The following ZNF106 variants were observed in gnomAD, a reference collection of about 807,000 sequenced individuals.
ZNF106 encodes the protein zinc finger protein 106.
ZNF106 carries 67 observed loss-of-function variants against 195.1 expected under a neutral mutation model. The ratio of observed to expected loss-of-function variants is 0.34; its 90% confidence interval spans 0.28 to 0.42. The LOEUF is 0.42. Ranked by LOEUF, ZNF106 falls within the 10% of genes least tolerant of loss-of-function variation. The probability of loss-of-function intolerance (pLI) is 1.00; values close to 1 mark genes in which losing one functional copy is unlikely to be tolerated. For missense variants in ZNF106, 2,118 were observed against 2,304.5 expected, an observed-to-expected ratio of 0.92 and a Z score of 1.66; for synonymous variants, 784 against 818.6, an observed-to-expected ratio of 0.96 and a Z score of 0.72.
intron 3 of ZNF106, among the ~76,000 whole-genome samples, chr15:42,464,776 G>A (rs1479792973): frequency 6.6e-6 from 1 of 152,000 alleles, no homozygotes; most frequent in Non-Finnish European, 1.5e-5. Flanking sequence ...ACCTTGAATT[G>A]CAATAATCCT....
rs554220028 is a variant in ZNF106, at chr15:42,473,471, G to C, written c.-32-1150C>G. Among the ~76,000 whole-genome samples, 50 of 152,204 alleles carry C rather than the reference G, an allele frequency of 3.3e-4. 3 individuals are homozygous for C. Among genetic ancestry groups the C allele is most frequent in the Middle Eastern group, 3.4e-3 (1 of 294 alleles). On this transcript the variant is annotated intron_variant, in intron 1 of 21. Coordinates refer to ENST00000564754, the MANE Select transcript of ZNF106 (RefSeq NM_001366845.3). Reference sequence around the variant, plus strand: ...GTTGCTATTCTTTGTTCACATCACAGATCCTCCCACCTTTGCACCTCTACA... The same window carrying C: ...GTTGCTATTCTTTGTTCACATCACACATCCTCCCACCTTTGCACCTCTACA...
At position 42,422,308 on chromosome 15, in the gene ZNF106, C is replaced by A. The variant is rs114356516; in HGVS notation, c.5373+193G>T. Reference sequence around the variant, plus strand: ...AGAAATTAAGTTTTGACACCCATGACCCAGATCAAGTATCTTAGAGTGGTT... The same window carrying A: ...AGAAATTAAGTTTTGACACCCATGAACCAGATCAAGTATCTTAGAGTGGTT... On this transcript the variant is annotated intron_variant, in intron 18 of 21. Coordinates refer to ENST00000564754, the MANE Select transcript of ZNF106 (RefSeq NM_001366845.3). Among the ~76,000 whole-genome samples, 1,250 of 151,936 alleles carry A rather than the reference C, an allele frequency of 8.2e-3. 18 individuals are homozygous for A. Among genetic ancestry groups the A allele is most frequent in the African/African-American group, 0.029 (1,201 of 41,410 alleles).
At chr15:42,448,778 C>T (rs1295812621) in intron 5 of ZNF106, 73 bp from the exon 6 acceptor site, 2 of 1,467,556 alleles carry the variant, frequency 1.4e-6, no homozygotes, top group Admixed American at 4.5e-5. Context: ...TTTTAATGTG[C>T]CAGGCTCTCT....
At position 42,469,119 on chromosome 15, in the gene ZNF106, A is replaced by G. The variant is rs182632861; in HGVS notation, c.55-3005T>C. On this transcript the variant is annotated intron_variant, in intron 2 of 21. Transcript: ENST00000564754. ...AGGATCACTTGAACCCAGGAGGTGG[A>G]GGTTGCAGTGAGCCGAGGTCACACC... Among the ~76,000 whole-genome samples the G allele has an allele frequency of 1.6e-4, 24 of 151,172 alleles. 1 individual carries two copies. In the East Asian group the frequency reaches 4.8e-3, roughly 30 times the overall value.
At chr15:42,472,701 T>TA (rs1423266783) in intron 1 of ZNF106, among the ~76,000 whole-genome samples, 1 of 152,132 alleles carries the variant, frequency 6.6e-6, no homozygotes, top group Non-Finnish European at 1.5e-5. Context: ...ATTCTTAGAA[T>TA]AAGATTCTTT....
Position 42,417,951 on chromosome 15 carries a change from A to C in ZNF106, c.5518T>G (p.Trp1840Gly). The change falls in exon 21 of 22, where the codon TGG becomes GGG. Residue 1840 changes from tryptophan (W) to glycine (G), a missense_variant and splice_region_variant. Trp to Gly is a radical substitution (Grantham distance 184). Coordinates refer to ENST00000564754, the MANE Select transcript of ZNF106 (RefSeq NM_001366845.3). ...LNLMQNYRCW[W>G]HGCSLIFGVV... is the part of the protein sequence containing the mutation. ...CCAAATATCAGAGAGCAACCATGCC[A>C]CTGGAGAGAAAGAAAATGAGGAGAC... 1.2e-6 allele frequency: 2 copies of C among 1,611,602 alleles called. No homozygotes were observed. Among genetic ancestry groups the C allele is most frequent in the Non-Finnish European group, 1.7e-6 (2 of 1,178,992 alleles).
chr15:42,415,455 G>A lies in ZNF106; in HGVS notation c.*1849C>T. On this transcript the variant is annotated 3_prime_UTR_variant, in exon 22 of 22. Coordinates refer to ENST00000564754, the MANE Select transcript of ZNF106 (RefSeq NM_001366845.3). Reference sequence around the variant, plus strand: ...TAATTCTTGACATTTTTTGGATCAAGTAAGAACCACTGGAGCCTTTCCTGG... The same window carrying A: ...TAATTCTTGACATTTTTTGGATCAAATAAGAACCACTGGAGCCTTTCCTGG... 2 of 454,520 alleles carry A rather than the reference G, an allele frequency of 4.4e-6. No homozygotes were observed. Among genetic ancestry groups the A allele is most frequent in the Non-Finnish European group, 8.8e-6 (2 of 226,316 alleles). 28.2% of individuals were successfully genotyped at this position (454,520 alleles called of 1,614,324 possible).
In ZNF106 at chr15:42,415,263, A is replaced by T; in HGVS notation, c.*2041T>A. 3.0e-6 allele frequency: 1 copy of T among 333,782 alleles called. No homozygotes were observed. The highest frequency in any genetic ancestry group is 2.4e-5 in the South Asian group (1 of 41,390). The allele number at this position is 333,782 out of a possible 1,614,324, so 20.7% of individuals were successfully genotyped here. On this transcript the variant is annotated 3_prime_UTR_variant, in exon 22 of 22. Transcript: ENST00000564754. ...CAGCCTCCTGAGTAGCTGAGACTAC[A>T]GGCACATACCACCACACCCAGCTAA...
intron 18 of ZNF106, 42 bp downstream of exon 18, chr15:42,422,459 C>G (rs769151245): frequency 1.3e-6 from 2 of 1,596,564 alleles, no homozygotes; most frequent in African/African-American, 1.3e-5. Flanking sequence ...AATAGACAAT[C>G]TCCCCAAATC....
rs767937713 is a variant in ZNF106, at chr15:42,450,135, C to T, written c.2137G>A (p.Glu713Lys). Residue 713 changes from glutamate to lysine, a missense_variant, in exon 5 of 22, where the codon GAA becomes AAA. Transcript: ENST00000564754. ...CTAGCACTCTCAAAGCCTTCTGTTT[C>T]ATAAGATACATGAGATTTAATAGAG... ...DDSIKSHVSY[E>K]TEGFESASLD... 1.2e-6 allele frequency: 2 copies of T among 1,614,086 alleles called. No individual in the cohort carries two copies. Among genetic ancestry groups the T allele is most frequent in the African/African-American group, 2.7e-5 (2 of 74,922 alleles).
rs926842977 is a variant in ZNF106 at position 42,477,495 on chromosome 15, G to A, written c.-32-5174C>T. On this transcript the variant is annotated intron_variant, in intron 1 of 21. Transcript: ENST00000564754. ...TCATTTGGCCACGTCAGTAGCTCAC[G>A]TCTGTAATCCCAGCACTTTGGGAGG... Among the ~76,000 whole-genome samples the A allele has an allele frequency of 3.3e-5, 5 of 152,144 alleles. No homozygotes were observed. In the East Asian group the frequency reaches 5.8e-4, roughly 18 times the overall value.
rs937466417 is a variant in ZNF106, at chr15:42,460,231, T to C, written c.117-3073A>G. ...TTTTAAAATAAAATCCATGATTTTATCCTTACTTCTAAAATGCAGAGAATC... is the reference window on the plus strand; with the variant it reads ...TTTTAAAATAAAATCCATGATTTTACCCTTACTTCTAAAATGCAGAGAATC... On this transcript the variant is annotated intron_variant, in intron 3 of 21. Transcript: ENST00000564754. 4.6e-5 allele frequency among the ~76,000 whole-genome samples: 7 copies of C among 152,088 alleles called. No individual in the cohort carries two copies. The East Asian group carries it at 1.3e-3, about 29-fold the overall frequency.
chr15:42,432,404 C>T (rs1444890514), intron 14 of ZNF106, among the ~76,000 whole-genome samples: 1 of 152,168 alleles, frequency 6.6e-6, no homozygotes. Flanking sequence ...AGTGATCCTC[C>T]CACCTCAGCC....
intron 1 of ZNF106, among the ~76,000 whole-genome samples, chr15:42,480,401 T>G (rs1266632962): frequency 6.6e-6 from 1 of 152,228 alleles, no homozygotes; most frequent in Non-Finnish European, 1.5e-5. Flanking sequence ...GTATGATCTT[T>G]TTCCATGCAT....
chr15:42,462,946 C>CT (rs959474305), intron 3 of ZNF106, among the ~76,000 whole-genome samples: 19 of 142,936 alleles, frequency 1.3e-4, no homozygotes, highest in South Asian at 6.7e-4. Context: ...CCACACCTGG[C>CT]TTTTTTTTGT....
chr15:42,465,049 G>C (rs1465520706), intron 3 of ZNF106, among the ~76,000 whole-genome samples: 2 of 152,032 alleles, frequency 1.3e-5, no homozygotes, highest in African/African-American at 4.8e-5. Flanking sequence ...CCCAGTCTTG[G>C]GTATGTCTTT....
rs113707946 is a variant in ZNF106 at position 42,471,172 on chromosome 15, A to C, written c.54+1064T>G. On this transcript the variant is annotated intron_variant, in intron 2 of 21. Transcript: ENST00000564754. ...TTGTCTCTGTACATGTTGTTCTCCT[A>C]CCCAAAATATCTCTTCCTCGTTTCT... Among the ~76,000 whole-genome samples the C allele has an allele frequency of 8.3e-3, 1,261 of 152,190 alleles. 11 individuals are homozygous for C. Among genetic ancestry groups the C allele is most frequent in the Middle Eastern group, 0.037 (11 of 294 alleles).
chr15:42,450,510 C>A lies in ZNF106; in HGVS notation c.1762G>T (p.Ala588Ser), dbSNP rs368429136. 2.5e-6 allele frequency: 4 copies of A among 1,613,948 alleles called. No homozygotes were observed. The African/African-American group carries it at 4.0e-5, about 16-fold the overall frequency. The stretch of plus-strand genomic sequence containing the variant: ...TCAGATTCTTCTACATTTCTACTTG[C>A]TTTTGCATAGTTCCTGGTACTTTTA... ...TSKSTRNYAKASRNVEESEKG... is the reference protein window; with the variant it reads ...TSKSTRNYAKSSRNVEESEKG... The change falls in exon 5 of 22, where the codon GCA (alanine) becomes TCA (serine). Residue 588 changes from alanine to serine, a missense_variant. Transcript: ENST00000564754.
rs768391273 is a variant in ZNF106 at position 42,448,180 on chromosome 15, T to G, written c.3027A>C (p.Ser1009=). The part of the protein sequence containing the change: ...EGNCLSSSAS[S]ALAISSLADA... The stretch of plus-strand genomic sequence containing the variant: ...CCGCTAAACTGGAGATCGCAAGGGC[T>G]GAGGATGCGCTTGATGACAGACAGT... The change falls in exon 6 of 22, where the codon TCA becomes TCC. Residue 1009 remains serine (S), a synonymous_variant. Coordinates refer to ENST00000564754, the MANE Select transcript of ZNF106 (RefSeq NM_001366845.3). The G allele has an allele frequency of 6.2e-7, 1 of 1,614,162 alleles. No individual in the cohort carries two copies. The highest frequency in any genetic ancestry group is 1.7e-5 in the Admixed American group (1 of 60,008).
Sources: allele counts gnomAD v4.1 joint callset (sites outside exome capture counted in the v4.1 genomes callset), GRCh38; gene constraint gnomAD v4.1.1; transcripts MANE v1.5; gene names NCBI Gene and HGNC (gene_info 2026-07-23, HGNC 2026-07-21).